PDZD2: variants seen among roughly 807,000 people sequenced by gnomAD.
PDZD2 encodes PDZ domain containing 2.
Under a neutral mutation model 220.7 loss-of-function variants are expected in PDZD2, and 90 were observed. The observed-to-expected ratio is 0.41, with a 90% CI of 0.34 to 0.49. PDZD2 has a LOEUF of 0.49. Ranked by LOEUF, PDZD2 falls within the 20% of genes least tolerant of loss-of-function variation. PDZD2 has a pLI of 0.28. For missense variants in PDZD2, 3,174 were observed against 3,608.5 expected (o/e 0.88, Z 3.08); for synonymous variants, 1,375 against 1,450.5 (o/e 0.95, Z 1.18).
intron 4 of PDZD2, among the ~76,000 whole-genome samples, chr5:31,998,259 G>T (rs777960096): frequency 6.6e-6 from 1 of 152,178 alleles, no homozygotes; most frequent in Non-Finnish European, 1.5e-5. Context: ...TGTTTCTTCT[G>T]TGGTCTTCCC....
At chr5:31,872,142 G>GGTGGGTGTGT (rs1554086798) in intron 2 of PDZD2, among the ~76,000 whole-genome samples, 1 of 147,676 alleles carries the variant, frequency 6.8e-6, no homozygotes, top group Non-Finnish European at 1.5e-5. Flanking sequence ...TAAGGTGAGT[G>GGTGGGTGTGT]GTGTGTGTGT....
intron 2 of PDZD2, among the ~76,000 whole-genome samples, chr5:31,976,682 T>C (rs1348560989): frequency 6.6e-6 from 1 of 151,566 alleles, no homozygotes; most frequent in Non-Finnish European, 1.5e-5. Context: ...ACTTTGTTTT[T>C]TTGTTTCTTT....
chr5:32,097,479 C>T, intron 22 of PDZD2, 99 bp downstream of exon 22: 1 of 754,444 alleles, frequency 1.3e-6, no homozygotes, highest in East Asian at 2.6e-5. Flanking sequence ...TCAGAGATTG[C>T]TGGATTTCAT....
At position 32,090,460 on chromosome 5, in the gene PDZD2, C is replaced by T. The variant is rs146012970; in HGVS notation, c.7012C>T (p.Arg2338Trp). The T allele has an allele frequency of 5.0e-6, 8 of 1,613,908 alleles. No individual in the cohort carries two copies. Among genetic ancestry groups the T allele is most frequent in the African/African-American group, 2.7e-5 (2 of 74,914 alleles). Reference protein sequence around the residue: ...ESTSFFSVKQRIKSFENLANA... With the variant: ...ESTSFFSVKQWIKSFENLANA... ...TACCTCATTTTTCTCTGTGAAGCAGCGGATCAAGTCTTTTGAGAACCTGGC... is the reference window on the plus strand; with the variant it reads ...TACCTCATTTTTCTCTGTGAAGCAGTGGATCAAGTCTTTTGAGAACCTGGC... Residue 2338 changes from arginine to tryptophan, a missense_variant, in exon 20 of 25, where the codon CGG becomes TGG. By Grantham distance (101) the Arg-to-Trp change is moderately radical (BLOSUM62 -3). Transcript: ENST00000438447. The surrounding 1 kb of genome is among the most constrained non-coding windows in gnomAD (Gnocchi z 4.3).
chr5:32,088,112 C>G lies in PDZD2; in HGVS notation c.4664C>G (p.Ala1555Gly). ...EPSLSSMYGDAEDSSSDPESL... is the reference protein window; with the variant it reads ...EPSLSSMYGDGEDSSSDPESL... ...TCTCTGTCATCCATGTATGGCGATG[C>G]TGAGGATTCTTCTTCTGACCCTGAG... The change falls in exon 20 of 25, where the codon GCT becomes GGT. Residue 1555 changes from alanine to glycine, a missense_variant. This residue lies in a region of PDZD2 where 1,861 missense variants were observed against 2,001.0 expected (regional missense o/e 0.93). Transcript: ENST00000438447. The surrounding 1 kb of genome is among the most constrained non-coding windows in gnomAD (Gnocchi z 4.6). 1 of 1,614,212 alleles carries G rather than the reference C, an allele frequency of 6.2e-7. No homozygotes were observed. The highest frequency in any genetic ancestry group is 8.5e-7 in the Non-Finnish European group (1 of 1,180,028).
intron 2 of PDZD2, among the ~76,000 whole-genome samples, chr5:31,821,324 A>G (rs1219363506): frequency 1.3e-5 from 2 of 151,800 alleles, no homozygotes; most frequent in Non-Finnish European, 2.9e-5. Context: ...TTACTATCTG[A>G]TTATCTAAAT....
At position 32,069,627 on chromosome 5, in the gene PDZD2, AG is replaced by A; in HGVS notation, c.2512del (p.Ala838ProfsTer7). 6.4e-7 allele frequency: 1 copy of A among 1,569,438 alleles called. No homozygotes were observed. The highest frequency in any genetic ancestry group is 8.8e-7 in the Non-Finnish European group (1 of 1,139,128). On this transcript the variant is annotated frameshift_variant, in exon 15 of 25. Coordinates refer to ENST00000438447, the MANE Select transcript of PDZD2 (RefSeq NM_178140.4). LOFTEE classifies it high-confidence loss of function. ...CGCAGCACTTATCAGGAGAGCAAAGAGGCCAATTCCTCTCCTGGCTTAGGTA... is the reference window on the plus strand; with the variant it reads ...CGCAGCACTTATCAGGAGAGCAAAGAGCCAATTCCTCTCCTGGCTTAGGTA... Reference protein sequence around the residue: ...IARSTYQESKEANSSPGLGTP... With the variant: ...IARSTYQESKXANSSPGLGTP...
intron 1 of PDZD2, among the ~76,000 whole-genome samples, chr5:31,641,995 A>G (rs1744966410): frequency 6.6e-6 from 1 of 152,102 alleles, no homozygotes; most frequent in South Asian, 2.1e-4. Flanking sequence ...GTGTTGTGGA[A>G]ACCCTCTCCC....
Position 31,961,655 on chromosome 5 carries a change from G to GT in PDZD2, c.477-21493dup, listed in dbSNP as rs1311436621. On this transcript the variant is annotated intron_variant, in intron 2 of 24. Transcript: ENST00000438447. ...CTCAGTTGCTTTGTTTTGTTTGTTT[G>GT]TTTTTTTGAGACGATGTCTTGCTCT... 7.9e-5 allele frequency among the ~76,000 whole-genome samples: 12 copies of GT among 151,992 alleles called. No individual in the cohort carries two copies. In the East Asian group the frequency reaches 1.7e-3, roughly 22 times the overall value.
intron 2 of PDZD2, among the ~76,000 whole-genome samples, chr5:31,873,522 T>C (rs1009152799): frequency 2.0e-5 from 3 of 150,972 alleles, no homozygotes; most frequent in East Asian, 3.9e-4. Context: ...AGCTAGAAGA[T>C]TGAAAATTCT....
intron 6 of PDZD2, among the ~76,000 whole-genome samples, chr5:32,018,707 A>G (rs923612223): frequency 5.3e-5 from 8 of 152,034 alleles, no homozygotes; most frequent in Admixed American, 3.9e-4. Context: ...TCTCTCCCCA[A>G]CCTCAGCCCG....
intron 2 of PDZD2, among the ~76,000 whole-genome samples, chr5:31,881,374 A>AAG (rs1407042724): frequency 1.7e-4 from 17 of 100,266 alleles, no homozygotes; most frequent in Non-Finnish European, 3.1e-4. Context: ...GTGTGTATAT[A>AAG]TTTTTTTTTT....
intron 1 of PDZD2, among the ~76,000 whole-genome samples, chr5:31,647,495 T>C (rs1233824740): frequency 6.6e-6 from 1 of 152,160 alleles, no homozygotes; most frequent in Non-Finnish European, 1.5e-5. Context: ...TAGGGGAGAA[T>C]CCTTCCCTGC....
intron 1 of PDZD2, among the ~76,000 whole-genome samples, chr5:31,696,600 C>T (rs1231198985): frequency 6.6e-6 from 1 of 152,154 alleles, no homozygotes; most frequent in Non-Finnish European, 1.5e-5. Context: ...CTGTGCCTGG[C>T]CACCTCTCCT....
At chr5:31,986,314 A>G (rs1455707403) in intron 3 of PDZD2, among the ~76,000 whole-genome samples, 1 of 152,098 alleles carries the variant, frequency 6.6e-6, no homozygotes, top group African/African-American at 2.4e-5. Flanking sequence ...ACTGTTTATA[A>G]TTCATATTCT....
chr5:31,976,275 G>A lies in PDZD2; in HGVS notation c.477-6880G>A, dbSNP rs540438374. 1.1e-3 allele frequency among the ~76,000 whole-genome samples: 166 copies of A among 152,240 alleles called. 1 individual carries two copies. Among genetic ancestry groups the A allele is most frequent in the Non-Finnish European group, 1.9e-3 (126 of 68,012 alleles). ...ATTTAACACTTCCTCTCAACCAGTT[G>A]TTCTCTGGGAACCTGTAGATTTACA... On this transcript the variant is annotated intron_variant, in intron 2 of 24. Transcript: ENST00000438447.
chr5:31,729,783 A>G (rs946188386), intron 1 of PDZD2, among the ~76,000 whole-genome samples: 5 of 152,192 alleles, frequency 3.3e-5, no homozygotes, highest in Non-Finnish European at 4.4e-5. Context: ...GATTCTTTGT[A>G]TCTCAAGAGT....
intron 20 of PDZD2, among the ~76,000 whole-genome samples, chr5:32,091,890 G>T (rs12109735): frequency 0.041 from 6,247 of 152,238 alleles, 414 homozygotes; most frequent in African/African-American, 0.14. Context: ...CATGAGAGGG[G>T]CATGCAGAGG....
chr5:32,011,020 A>AAAC (rs200426487), intron 6 of PDZD2, among the ~76,000 whole-genome samples: 1 of 143,046 alleles, frequency 7.0e-6, no homozygotes, highest in Admixed American at 7.1e-5. Flanking sequence ...AAAAAAAAAA[A>AAAC]AACAACAACA....
Sources: allele counts gnomAD v4.1 joint callset (sites outside exome capture counted in the v4.1 genomes callset), GRCh38; gene constraint gnomAD v4.1.1; regional missense constraint gnomAD v4.1.1; non-coding constraint Gnocchi (gnomAD v3.1); transcripts MANE v1.5; gene names NCBI Gene and HGNC (gene_info 2026-07-23, HGNC 2026-07-21).